Variants in SYCP2 observed in about 807,000 individuals in gnomAD.
The protein encoded by SYCP2 is synaptonemal complex lateral element protein.
Under a neutral mutation model 211.3 loss-of-function variants are expected in SYCP2, and 55 were observed. The ratio of observed to expected loss-of-function variants is 0.26; its 90% CI spans 0.21 to 0.33. The LOEUF (loss-of-function observed/expected upper bound fraction) is 0.33, where lower values mean the gene tolerates loss of function less well. Ranked by LOEUF, SYCP2 falls within the 10% of genes least tolerant of loss-of-function variation. The probability of loss-of-function intolerance (pLI) is 1.00; values close to 1 mark genes in which losing one functional copy is unlikely to be tolerated. For missense variants in SYCP2, 1,731 were observed against 1,752.0 expected, an observed-to-expected ratio of 0.99 and a Z score of 0.21; for synonymous variants, 570 against 555.2, an observed-to-expected ratio of 1.03 and a Z score of -0.37.
At chr20:59,897,113 T>C (rs2145759865) in intron 18 of SYCP2, among the ~76,000 whole-genome samples, 1 of 152,196 alleles carries the variant, frequency 6.6e-6, no homozygotes, top group South Asian at 2.1e-4. Flanking sequence ...CAGAAGTAGA[T>C]AAGCAGAGGC....
At chr20:59,931,276 GC>G (rs967084411) in intron 2 of SYCP2, among the ~76,000 whole-genome samples, 2 of 152,158 alleles carry the variant, frequency 1.3e-5, no homozygotes, top group African/African-American at 4.8e-5. Context: ...AGTTAGCCTG[GC>G]CTGGTGGATC....
chr20:59,868,855 C>A lies in SYCP2; in HGVS notation c.3812G>T (p.Cys1271Phe). The change falls in exon 37 of 45, where the codon TGT becomes TTT. Residue 1271 changes from cysteine (C) to phenylalanine (F), a missense_variant. Cys to Phe is a radical substitution (Grantham distance 205). Around this residue, in one of 3 missense-constraint regions of SYCP2, gnomAD observed 1,387 missense variants for 1,351.3 expected, o/e 1.03. Transcript: ENST00000357552. ...GREKTWFDMP[C>F]DATHVSGPTQ... Reference sequence around the variant, plus strand: ...CAAACCTGATACATGAGTAGCATCACAGGGCATGTCAAACCACGTTTTCTC... The same window carrying A: ...CAAACCTGATACATGAGTAGCATCAAAGGGCATGTCAAACCACGTTTTCTC... 6.2e-7 allele frequency: 1 copy of A among 1,609,656 alleles called. No homozygotes were observed. The highest frequency in any genetic ancestry group is 8.5e-7 in the Non-Finnish European group (1 of 1,177,588).
intron 14 of SYCP2, among the ~76,000 whole-genome samples, chr20:59,910,054 C>A (rs2145825402): frequency 6.6e-6 from 1 of 152,214 alleles, no homozygotes; most frequent in East Asian, 1.9e-4. Flanking sequence ...GACTGGAACA[C>A]AGTCATCATA....
chr20:59,867,105 C>CGGGGGGGCGG (rs2059358961), intron 39 of SYCP2, among the ~76,000 whole-genome samples: 1 of 3,468 alleles, frequency 2.9e-4, no homozygotes, highest in African/African-American at 5.9e-4. Context: ...AGACTGGGGG[C>CGGGGGGGCGG]GGGGGGGGGG....
At chr20:59,916,431 T>C in intron 8 of SYCP2, 55 bp downstream of exon 8, 2 of 1,022,228 alleles carry the variant, frequency 2.0e-6, no homozygotes, top group South Asian at 2.7e-5. Context: ...TAATTGCTAT[T>C]GATTTTCTTC....
intron 29 of SYCP2, 67 bp downstream of exon 29, chr20:59,881,370 A>C (rs113318092): frequency 2.4e-6 from 2 of 835,816 alleles, no homozygotes; most frequent in African/African-American, 3.6e-5. Context: ...AAAAACTCTA[A>C]GACTGGGAGG....
intron 44 of SYCP2, 70 bp from the exon 45 acceptor site, chr20:59,864,458 A>G (rs1246820532): frequency 1.5e-6 from 1 of 660,386 alleles, no homozygotes; most frequent in South Asian, 2.5e-5. Flanking sequence ...AATAAAATAG[A>G]AAAAAAAAAA....
chr20:59,903,845 A>G (rs912403868), intron 15 of SYCP2, among the ~76,000 whole-genome samples: 18 of 152,206 alleles, frequency 1.2e-4, no homozygotes, highest in African/African-American at 4.1e-4. Context: ...GAGAGTCCAA[A>G]GTTGGAAGCT....
intron 24 of SYCP2, among the ~76,000 whole-genome samples, chr20:59,888,774 T>C (rs897744998): frequency 6.6e-6 from 1 of 152,056 alleles, no homozygotes; most frequent in Non-Finnish European, 1.5e-5. Context: ...CTACTGGAAG[T>C]AATAAGCAAT....
Position 59,900,243 on chromosome 20 carries a change from C to T in SYCP2, c.1299G>A (p.Glu433=). The change falls in exon 18 of 45, where the codon GAG becomes GAA. Residue 433 remains glutamate (E), a synonymous_variant. Transcript: ENST00000357552. ...PESQISPVGE[E]LVSLKEKSKS... is the part of the protein sequence containing the mutation. The stretch of plus-strand genomic sequence containing the variant: ...TTGATTTTTCCTTTAAACTAACGAG[C>T]TCTTCTCCGACTGGTGAGATTTGAC... 1.9e-6 allele frequency: 3 copies of T among 1,612,258 alleles called. No individual in the cohort carries two copies. Among genetic ancestry groups the T allele is most frequent in the Non-Finnish European group, 2.5e-6 (3 of 1,179,502 alleles).
At chr20:59,928,931 AAAGT>A (rs2060683161) in intron 2 of SYCP2, among the ~76,000 whole-genome samples, 1 of 152,204 alleles carries the variant, frequency 6.6e-6, no homozygotes, top group Non-Finnish European at 1.5e-5. Context: ...CAAAACATAA[AAAGT>A]AATAGATTTT....
At position 59,875,463 on chromosome 20, in the gene SYCP2, TCTC is replaced by T. The variant is rs764505244; in HGVS notation, c.3154_3156del (p.Glu1052del). 1.1e-5 allele frequency: 18 copies of T among 1,610,200 alleles called. No individual in the cohort carries two copies. The highest frequency in any genetic ancestry group is 1.4e-5 in the Non-Finnish European group (17 of 1,178,062). On this transcript the variant is annotated inframe_deletion, in exon 34 of 45. Transcript: ENST00000357552. ...ACCGTTTTCATTCTGGAATGGATAT[TCTC>T]CTCCTAAATGTATCAATAACTTTCA...
rs551813613 is a variant in SYCP2 at position 59,916,081 on chromosome 20, T to C, written c.513+405A>G. 7.9e-5 allele frequency among the ~76,000 whole-genome samples: 12 copies of C among 152,278 alleles called. No homozygotes were observed. In the East Asian group the frequency reaches 2.1e-3, roughly 27 times the overall value. On this transcript the variant is annotated intron_variant, in intron 8 of 44. Coordinates refer to ENST00000357552, the MANE Select transcript of SYCP2 (RefSeq NM_014258.4). ...AAAATAGAATATAACATGACTCCGA[T>C]ACTTAAAGCACTTGTACTTTTTGCA...
chr20:59,918,887 T>C (rs556360961), intron 7 of SYCP2, among the ~76,000 whole-genome samples: 74 of 152,200 alleles, frequency 4.9e-4, no homozygotes, highest in South Asian at 2.3e-3. Flanking sequence ...GTACAACTAT[T>C]ATATTTTCAA....
At chr20:59,923,827 CAGAG>C (rs150985060) in intron 2 of SYCP2, among the ~76,000 whole-genome samples, 5,114 of 150,564 alleles carry the variant, frequency 0.034, 251 homozygotes, top group African/African-American at 0.11. Context: ...TTAATCAATC[CAGAG>C]AGAGAGAGAG....
rs187294125 is a variant in SYCP2, at chr20:59,892,846, G to C, written c.1794-145C>G. On this transcript the variant is annotated intron_variant, in intron 22 of 44. Coordinates refer to ENST00000357552, the MANE Select transcript of SYCP2 (RefSeq NM_014258.4). ...ATTTATCTTATCTTACAGTTCTACT[G>C]TATATTTATATTTCTACACATTAAT... The C allele has an allele frequency of 3.8e-4, 260 of 684,738 alleles. 1 individual carries two copies. The highest frequency in any genetic ancestry group is 2.9e-3 in the Middle Eastern group (7 of 2,412). 42.4% of individuals were successfully genotyped at this position (684,738 alleles called of 1,614,324 possible). A position where few individuals can be genotyped will look rare whatever the true frequency, so the allele number is the denominator to read the frequency against.
chr20:59,866,676 A>G, intron 39 of SYCP2, 87 bp from the exon 40 acceptor site: 1 of 869,070 alleles, frequency 1.2e-6, no homozygotes, highest in Non-Finnish European at 1.7e-6. Context: ...ATTTTCCACG[A>G]AATGTAAATT....
chr20:59,920,743 A>G (rs1180982709), intron 4 of SYCP2, among the ~76,000 whole-genome samples: 1 of 151,654 alleles, frequency 6.6e-6, no homozygotes, highest in Non-Finnish European at 1.5e-5. Flanking sequence ...CTATGATACA[A>G]TGAATCAGCA....
chr20:59,886,207 A>G (rs942858145), intron 25 of SYCP2, among the ~76,000 whole-genome samples: 2 of 152,118 alleles, frequency 1.3e-5, no homozygotes, highest in African/African-American at 4.8e-5. Context: ...TGATTCCACC[A>G]TAAGAATCAT....
Sources: allele counts gnomAD v4.1 joint callset (sites outside exome capture counted in the v4.1 genomes callset), GRCh38; gene constraint gnomAD v4.1.1; regional missense constraint gnomAD v4.1.1; transcripts MANE v1.5; gene names NCBI Gene and HGNC (gene_info 2026-07-23, HGNC 2026-07-21).